The following OSBPL10 variants were observed in gnomAD, a reference collection of about 807,000 sequenced individuals.
OSBPL10 encodes the protein oxysterol binding protein like 10.
OSBPL10 carries 49 observed loss-of-function variants against 81.7 expected under a neutral mutation model. The ratio of observed to expected loss-of-function variants is 0.60; its 90% confidence interval spans 0.48 to 0.76. OSBPL10 has a LOEUF of 0.76. Among genes scored for constraint, OSBPL10 ranks in the 30% least tolerant of loss-of-function variants. The pLI is 0.00. For missense variants in OSBPL10, 923 were observed against 987.8 expected (o/e 0.93, Z 0.88); for synonymous variants, 419 against 383.6 (o/e 1.09, Z -1.08).
intron 1 of OSBPL10, among the ~76,000 whole-genome samples, chr3:31,938,444 C>G (rs1453101607): frequency 6.6e-6 from 1 of 152,194 alleles, no homozygotes; most frequent in Non-Finnish European, 1.5e-5. Flanking sequence ...TCTGGACACC[C>G]TCAGAGCTGT....
At chr3:31,917,396 A>T (rs899552440) in intron 1 of OSBPL10, among the ~76,000 whole-genome samples, 1 of 151,872 alleles carries the variant, frequency 6.6e-6, no homozygotes, top group African/African-American at 2.4e-5. Flanking sequence ...CTAGAGAAAA[A>T]AAGTACATTC....
intron 1 of OSBPL10, among the ~76,000 whole-genome samples, chr3:32,072,956 G>T (rs1466094838): frequency 4.6e-5 from 7 of 152,108 alleles, no homozygotes; most frequent in African/African-American, 1.4e-4. Context: ...CAGTTTCTCA[G>T]GCTCTTGGTA....
intron 1 of OSBPL10, among the ~76,000 whole-genome samples, chr3:31,927,772 A>T (rs1275388364): frequency 6.6e-6 from 1 of 152,196 alleles, no homozygotes; most frequent in African/African-American, 2.4e-5. Context: ...TAGTATAATA[A>T]CCAGGAACAC....
intron 6 of OSBPL10, among the ~76,000 whole-genome samples, chr3:31,703,233 A>T (rs1416895659): frequency 2.0e-5 from 3 of 152,192 alleles, no homozygotes; most frequent in African/African-American, 7.2e-5. Flanking sequence ...ATTGCACATA[A>T]AATTTTCCAG....
chr3:31,920,583 T>G lies in OSBPL10; in HGVS notation c.282-40753A>C, dbSNP rs528662249. 7.0e-4 allele frequency among the ~76,000 whole-genome samples: 106 copies of G among 152,242 alleles called. 1 individual carries two copies. The highest frequency in any genetic ancestry group is 2.2e-3 in the Admixed American group (33 of 15,290). The stretch of plus-strand genomic sequence containing the variant: ...CACATGTGTACTGGAACTAAACAAT[T>G]AAGTAGATGGATGGTAGATGGTAGA... On this transcript the variant is annotated intron_variant, in intron 1 of 11. Coordinates refer to ENST00000396556, the MANE Select transcript of OSBPL10 (RefSeq NM_017784.5).
At chr3:31,712,305 G>A (rs1696282573) in intron 6 of OSBPL10, among the ~76,000 whole-genome samples, 1 of 152,154 alleles carries the variant, frequency 6.6e-6, no homozygotes, top group South Asian at 2.1e-4. Flanking sequence ...ATCCGAGGTG[G>A]GCAGGATAGC....
intron 1 of OSBPL10, among the ~76,000 whole-genome samples, chr3:31,961,047 CTTT>C (rs35027814): frequency 0.31 from 35,109 of 113,056 alleles, 6,601 homozygotes; most frequent in African/African-American, 0.56. Flanking sequence ...AAGCTACAGC[CTTT>C]TTTTTTTTTT....
intron 2 of OSBPL10, among the ~76,000 whole-genome samples, chr3:32,034,327 G>C (rs1396437728): frequency 6.6e-6 from 1 of 151,926 alleles, no homozygotes; most frequent in African/African-American, 2.4e-5. Context: ...TGTAGTCCCA[G>C]CTGAGAGGGA....
At chr3:31,859,990 G>T (rs1701019331) in intron 3 of OSBPL10, among the ~76,000 whole-genome samples, 1 of 152,124 alleles carries the variant, frequency 6.6e-6, no homozygotes, top group Non-Finnish European at 1.5e-5. Flanking sequence ...TCCAATAACA[G>T]TTCCATTTGG....
At chr3:32,049,787 G>A (rs370702712) in intron 1 of OSBPL10, among the ~76,000 whole-genome samples, 1 of 152,132 alleles carries the variant, frequency 6.6e-6, no homozygotes, top group African/African-American at 2.4e-5. Context: ...GAGAGCTGAT[G>A]GGACTACTGG....
At chr3:32,073,383 C>T (rs1044327453) in intron 1 of OSBPL10, among the ~76,000 whole-genome samples, 3 of 152,128 alleles carry the variant, frequency 2.0e-5, no homozygotes, top group Admixed American at 6.5e-5. Context: ...ATGGACAGGA[C>T]CCCACTTAGT....
At chr3:31,870,663 G>A (rs193172392) in intron 3 of OSBPL10, among the ~76,000 whole-genome samples, 36 of 152,206 alleles carry the variant, frequency 2.4e-4, no homozygotes, top group African/African-American at 8.0e-4. Context: ...CTCGTTCAAG[G>A]TTTGTAAACA....
intron 1 of OSBPL10, among the ~76,000 whole-genome samples, chr3:31,970,786 T>C (rs59418960): frequency 0.13 from 18,269 of 144,860 alleles, 1,313 homozygotes; most frequent in East Asian, 0.32. Context: ...GCTTAAGAGC[T>C]TCTTCAGAAA....
chr3:31,995,170 A>G (rs1452365359), intron 2 of OSBPL10, among the ~76,000 whole-genome samples: 1 of 152,206 alleles, frequency 6.6e-6, no homozygotes, highest in Non-Finnish European at 1.5e-5. Flanking sequence ...ACATCTTAAC[A>G]GAAAACAGAG....
intron 4 of OSBPL10, among the ~76,000 whole-genome samples, chr3:31,792,737 C>CAG (rs987582109): frequency 1.1e-4 from 12 of 110,120 alleles, no homozygotes; most frequent in Admixed American, 1.8e-4. Flanking sequence ...TATCCAGACA[C>CAG]AGAGTGTGTG....
At chr3:31,962,579 G>C (rs891529807) in intron 1 of OSBPL10, among the ~76,000 whole-genome samples, 1 of 151,952 alleles carries the variant, frequency 6.6e-6, no homozygotes, top group South Asian at 2.1e-4. Flanking sequence ...ACCAGCACAG[G>C]AGAAGTGCCA....
intron 4 of OSBPL10, among the ~76,000 whole-genome samples, chr3:31,821,428 A>G (rs1699980585): frequency 6.6e-6 from 1 of 152,154 alleles, no homozygotes; most frequent in South Asian, 2.1e-4. Flanking sequence ...TTCACTATCA[A>G]CAAATGCCCC....
chr3:31,696,786 C>T (rs1695734894), intron 7 of OSBPL10, among the ~76,000 whole-genome samples: 1 of 152,224 alleles, frequency 6.6e-6, no homozygotes, highest in African/African-American at 2.4e-5. Flanking sequence ...CTTTGACCAC[C>T]ATCTATACAT....
intron 1 of OSBPL10, among the ~76,000 whole-genome samples, chr3:31,949,177 G>A (rs1382832022): frequency 6.6e-6 from 1 of 152,142 alleles, no homozygotes; most frequent in Non-Finnish European, 1.5e-5. Context: ...TGCCTCAATT[G>A]TCATTCCTAA....
Sources: allele counts gnomAD v4.1 joint callset (sites outside exome capture counted in the v4.1 genomes callset), GRCh38; gene constraint gnomAD v4.1.1; transcripts MANE v1.5; gene names NCBI Gene and HGNC (gene_info 2026-07-23, HGNC 2026-07-21).